Variants in SIMC1 observed in about 807,000 individuals in gnomAD.
SIMC1 encodes SUMO-interacting motif-containing protein 1.
In SIMC1, 55 loss-of-function variants were observed where a neutral mutation model predicts 82.3. The observed-to-expected ratio is 0.67, with a 90% CI of 0.54 to 0.84. The LOEUF (loss-of-function observed/expected upper bound fraction) is 0.84, where lower values mean the gene tolerates loss of function less well. Among genes scored for constraint, SIMC1 ranks in the 40% least tolerant of loss-of-function variants. SIMC1 has a pLI of 0.00. For missense variants in SIMC1, 915 were observed against 1,107.2 expected (o/e 0.83, Z 2.46); for synonymous variants, 353 against 426.3 (o/e 0.83, Z 2.12).
intron 1 of SIMC1, among the ~76,000 whole-genome samples, chr5:176,274,159 A>G (rs1489738939): frequency 2.7e-5 from 4 of 145,974 alleles, no homozygotes; most frequent in East Asian, 3.9e-4. Flanking sequence ...CATCCTCTCC[A>G]GCACCTGTTG....
At chr5:176,286,696 A>T (rs901359576) in intron 1 of SIMC1, among the ~76,000 whole-genome samples, 1 of 152,248 alleles carries the variant, frequency 6.6e-6, no homozygotes, top group Non-Finnish European at 1.5e-5. Flanking sequence ...TGAACAGGCA[A>T]CCTACAGAAT....
intron 1 of SIMC1, among the ~76,000 whole-genome samples, chr5:176,266,439 G>C (rs1762215336): frequency 6.6e-6 from 1 of 152,136 alleles, no homozygotes; most frequent in Non-Finnish European, 1.5e-5. Flanking sequence ...CCTGCCTCAA[G>C]AGGCCAGGTT....
At chr5:176,259,852 A>G (rs1490118917) in intron 1 of SIMC1, among the ~76,000 whole-genome samples, 1 of 151,828 alleles carries the variant, frequency 6.6e-6, no homozygotes, top group Non-Finnish European at 1.5e-5. Context: ...TTTCTACTCT[A>G]GATAACTACA....
At chr5:176,313,313 G>C (rs917440267) in intron 4 of SIMC1, 33 of 1,463,512 alleles carry the variant, frequency 2.3e-5, no homozygotes, top group Middle Eastern at 2.5e-4. Context: ...TCAGTGAGAG[G>C]GAGAGATTGA....
In SIMC1 at chr5:176,246,204, G is replaced by T. The variant is rs543055094; in HGVS notation, c.129+7567G>T. 3.1e-3 allele frequency among the ~76,000 whole-genome samples: 474 copies of T among 151,510 alleles called. 4 individuals carry two copies. Among genetic ancestry groups the T allele is most frequent in the African/African-American group, 0.011 (440 of 41,320 alleles). ...TTTTTGTATTTTTCGTAGAGACGGGGTTTCACCATATTGGCCAGGCTGGTC... is the reference window on the plus strand; with the variant it reads ...TTTTTGTATTTTTCGTAGAGACGGGTTTTCACCATATTGGCCAGGCTGGTC... On this transcript the variant is annotated intron_variant, in intron 1 of 9. Transcript: ENST00000429602.
At chr5:176,306,473 C>T (rs1016559142) in intron 4 of SIMC1, among the ~76,000 whole-genome samples, 1 of 140,998 alleles carries the variant, frequency 7.1e-6, no homozygotes, top group African/African-American at 2.5e-5. Flanking sequence ...AATAGAAAGG[C>T]GGGAAAGGTG....
At chr5:176,251,529 C>A (rs1188248842) in intron 1 of SIMC1, among the ~76,000 whole-genome samples, 1 of 151,712 alleles carries the variant, frequency 6.6e-6, no homozygotes, top group Non-Finnish European at 1.5e-5. Context: ...TTCTCCTTCA[C>A]TTATGAAGCA....
rs2878421 is a variant in SIMC1 at position 176,325,699 on chromosome 5, T to A, written c.2171+942T>A. Among the ~76,000 whole-genome samples the A allele has an allele frequency of 3.3e-5, 5 of 151,786 alleles. No individual in the cohort carries two copies. In the South Asian group the frequency reaches 6.2e-4, roughly 19 times the overall value. On this transcript the variant is annotated intron_variant, in intron 7 of 9. Coordinates refer to ENST00000429602, the MANE Select transcript of SIMC1 (RefSeq NM_001308195.2). ...AGACTCCGTCTCAAAAAATAAATAA[T>A]AAATTAATTACTTAATTAATTAAAT...
chr5:176,341,787 AATT>A (rs1766162262), intron 9 of SIMC1, among the ~76,000 whole-genome samples: 1 of 152,184 alleles, frequency 6.6e-6, no homozygotes, highest in African/African-American at 2.4e-5. Context: ...ATGAAATAAT[AATT>A]AACTCTTGTA....
intron 2 of SIMC1, among the ~76,000 whole-genome samples, chr5:176,293,462 G>A (rs1042491616): frequency 6.6e-6 from 1 of 151,108 alleles, no homozygotes; most frequent in Non-Finnish European, 1.5e-5. Flanking sequence ...ATTGTTTAAG[G>A]CCAGACATGA....
At chr5:176,272,842 A>G (rs1313624648) in intron 1 of SIMC1, among the ~76,000 whole-genome samples, 1 of 152,184 alleles carries the variant, frequency 6.6e-6, no homozygotes, top group African/African-American at 2.4e-5. Flanking sequence ...CATTGCTAGC[A>G]CAGCAGTCTG....
chr5:176,267,733 GTTT>G (rs1159766316), intron 1 of SIMC1, among the ~76,000 whole-genome samples: 25 of 27,214 alleles, frequency 9.2e-4, no homozygotes, highest in East Asian at 3.0e-3. Context: ...TTTTCTTTCT[GTTT>G]TTTTTTTTTT....
intron 4 of SIMC1, among the ~76,000 whole-genome samples, chr5:176,312,583 T>C (rs1272519838): frequency 6.6e-6 from 1 of 150,740 alleles, no homozygotes; most frequent in Non-Finnish European, 1.5e-5. Context: ...ACATGATTTT[T>C]TAAAAAAGCA....
intron 1 of SIMC1, among the ~76,000 whole-genome samples, chr5:176,259,449 G>A (rs1761945431): frequency 1.3e-5 from 2 of 148,180 alleles, no homozygotes; most frequent in African/African-American, 5.0e-5. Flanking sequence ...GACTCCATCT[G>A]GAAAAAAAAA....
intron 4 of SIMC1, among the ~76,000 whole-genome samples, chr5:176,306,385 C>T (rs1352948253): frequency 1.6e-5 from 2 of 128,568 alleles, no homozygotes; most frequent in African/African-American, 2.5e-5. Context: ...AGCCCCTCTG[C>T]CCGACCACCA....
At position 176,242,048 on chromosome 5, in the gene SIMC1, T is replaced by C. The variant is rs541509866; in HGVS notation, c.129+3411T>C. 2.1e-3 allele frequency among the ~76,000 whole-genome samples: 317 copies of C among 152,230 alleles called. 4 individuals carry two copies. Among genetic ancestry groups the C allele is most frequent in the East Asian group, 3.9e-4 (2 of 5,182 alleles). On this transcript the variant is annotated intron_variant, in intron 1 of 9. Transcript: ENST00000429602. ...TACCCTACACATGATTAAACAAGTA[T>C]ATGTGGAAAAAAACCCAGGAGAGAA... is the stretch of plus-strand genomic sequence containing the variant.
intron 5 of SIMC1, among the ~76,000 whole-genome samples, chr5:176,314,761 G>T (rs2113348784): frequency 6.6e-6 from 1 of 152,206 alleles, no homozygotes; most frequent in Non-Finnish European, 1.5e-5. Flanking sequence ...GACTCATGAT[G>T]GTTTGGCTTA....
At chr5:176,326,241 G>A (rs1275660124) in intron 7 of SIMC1, among the ~76,000 whole-genome samples, 1 of 151,982 alleles carries the variant, frequency 6.6e-6, no homozygotes, top group African/African-American at 2.4e-5. Context: ...GTGCAGCTTT[G>A]GTTTCTTCTA....
chr5:176,317,649 TACTATG>T (rs1254224227), intron 5 of SIMC1, among the ~76,000 whole-genome samples: 1 of 152,226 alleles, frequency 6.6e-6, no homozygotes, highest in Non-Finnish European at 1.5e-5. Context: ...GTGTTTCTAT[TACTATG>T]ACTATGTGTG....
Sources: allele counts gnomAD v4.1 joint callset (sites outside exome capture counted in the v4.1 genomes callset), GRCh38; gene constraint gnomAD v4.1.1; transcripts MANE v1.5; gene names NCBI Gene and HGNC (gene_info 2026-07-23, HGNC 2026-07-21).